Variants in XIAP observed in about 807,000 individuals in gnomAD.
XIAP encodes the protein E3 ubiquitin-protein ligase XIAP.
XIAP carries 3 observed loss-of-function variants against 33.1 expected under a neutral mutation model. That is an observed-to-expected ratio of 0.09 (90% CI 0.04 to 0.23). The LOEUF (loss-of-function observed/expected upper bound fraction) is 0.23, where lower values mean the gene tolerates loss of function less well. Among genes scored for constraint, XIAP ranks in the 10% least tolerant of loss-of-function variants. XIAP has a pLI of 1.00. For missense variants in XIAP, 264 were observed against 363.0 expected (o/e 0.73, Z 2.22); for synonymous variants, 98 against 121.3 (o/e 0.81, Z 1.26).
chrX:123,866,203 T>G (rs1429906761), intron 1 of XIAP, among the ~76,000 whole-genome samples: 1 of 109,045 alleles, frequency 9.2e-6, no homozygotes, highest in Non-Finnish European at 1.9e-5. Context: ...CCTCCCAAAG[T>G]GCTGGGATTA....
chrX:123,897,483 C>T (rs1390351127), intron 5 of XIAP, among the ~76,000 whole-genome samples: 2 of 106,164 alleles, frequency 1.9e-5, no homozygotes, highest in Non-Finnish European at 3.9e-5. Flanking sequence ...GAGATACCTG[C>T]AGGACATTGA....
At chrX:123,897,347 T>C (rs181674273) in intron 5 of XIAP, among the ~76,000 whole-genome samples, 83 of 112,164 alleles carry the variant, frequency 7.4e-4, no homozygotes, top group African/African-American at 2.6e-3. Flanking sequence ...TTTATACCTA[T>C]GTTTTCTTCT....
intron 2 of XIAP, among the ~76,000 whole-genome samples, chrX:123,888,191 C>T (rs745945996): frequency 3.7e-5 from 4 of 109,119 alleles, no homozygotes; most frequent in Non-Finnish European, 3.8e-5. Context: ...AAAAATTAGC[C>T]GGGTGTGGTG....
chrX:123,894,495 G>A (rs1168025244), intron 5 of XIAP, among the ~76,000 whole-genome samples: 1 of 112,224 alleles, frequency 8.9e-6, no homozygotes, highest in Non-Finnish European at 1.9e-5. Context: ...GCGGCTGGGT[G>A]TGGTGGCTCA....
chrX:123,889,997 A>ATTTTTTTTTTTT (rs771503633), intron 3 of XIAP, among the ~76,000 whole-genome samples: 1 of 33,072 alleles, frequency 3.0e-5, no homozygotes. Context: ...AGTTGTTCAC[A>ATTTTTTTTTTTT]TTTTTTTTTT....
At chrX:123,906,873 A>G in intron 6 of XIAP, 115 bp from the exon 7 acceptor site, 1 of 869,511 alleles carries the variant, frequency 1.2e-6, no homozygotes, top group Non-Finnish European at 1.7e-6. Flanking sequence ...TCATCCTCAT[A>G]TCTCCCGGCA....
Position 123,892,786 on chromosome X carries a change from G to A in XIAP, c.1099+13G>A. Reference sequence around the variant, plus strand: ...ACTAGAAGAATTGGTAAATATGCTTGTTAACTATCCTTTTAATTTAACTGC... The same window carrying A: ...ACTAGAAGAATTGGTAAATATGCTTATTAACTATCCTTTTAATTTAACTGC... On this transcript the variant is annotated intron_variant, in intron 5 of 6. Coordinates refer to ENST00000371199, the MANE Select transcript of XIAP (RefSeq NM_001167.4). 1.7e-6 allele frequency: 2 copies of A among 1,168,477 alleles called. No individual in the cohort carries two copies. The highest frequency in any genetic ancestry group is 3.6e-5 in the South Asian group (2 of 55,758).
chrX:123,900,323 C>T (rs902906470), intron 5 of XIAP, among the ~76,000 whole-genome samples, 170 bp from the exon 6 acceptor site: 1 of 112,094 alleles, frequency 8.9e-6, no homozygotes, highest in African/African-American at 3.2e-5. Flanking sequence ...TTTTCAGTGC[C>T]TGAATACTTC....
At chrX:123,867,352 C>T (rs2053151165) in intron 1 of XIAP, among the ~76,000 whole-genome samples, 1 of 107,579 alleles carries the variant, frequency 9.3e-6, no homozygotes, top group African/African-American at 3.4e-5. Flanking sequence ...AGCCACTGCG[C>T]CCAGCAGTCT....
At chrX:123,887,069 G>A (rs1419498678) in intron 2 of XIAP, among the ~76,000 whole-genome samples, 1 of 112,085 alleles carries the variant, frequency 8.9e-6, no homozygotes, top group African/African-American at 3.2e-5. Context: ...ACAGGCATGT[G>A]CCACCACGCC....
intron 1 of XIAP, among the ~76,000 whole-genome samples, chrX:123,876,121 C>T (rs764330184): frequency 6.3e-5 from 7 of 111,783 alleles, no homozygotes; most frequent in Non-Finnish European, 9.4e-5. Flanking sequence ...CTACATTGCC[C>T]AGTCTGGTCT....
rs868048767 is a variant in XIAP, at chrX:123,899,316, T to C, written c.1100-1177T>C. Among the ~76,000 whole-genome samples the C allele has an allele frequency of 6.5e-3, 662 of 101,412 alleles. 7 individuals carry two copies. Among genetic ancestry groups the C allele is most frequent in the African/African-American group, 0.022 (625 of 28,193 alleles). The allele number at this position is 101,412 out of a possible 115,157, so 88.1% of individuals were successfully genotyped here. ...TTGTATATATATACACACGCACACA[T>C]ACACACATAAAGTGCTTAAAGTACC... On this transcript the variant is annotated intron_variant, in intron 5 of 6. Transcript: ENST00000371199.
chrX:123,887,999 ATAAT>A (rs200306267), intron 2 of XIAP, among the ~76,000 whole-genome samples: 3,866 of 91,368 alleles, frequency 0.042, 171 homozygotes, highest in African/African-American at 0.13. Context: ...AAAAATAATA[ATAAT>A]TAATAAATAA....
chrX:123,876,705 T>TTAAATAAATCAA (rs1556401709), intron 1 of XIAP, among the ~76,000 whole-genome samples: 1 of 107,213 alleles, frequency 9.3e-6, no homozygotes, highest in Non-Finnish European at 1.9e-5. Flanking sequence ...GCCTTGTCTT[T>TTAAATAAATCAA]TAAATAAATA....
chrX:123,882,927 C>T (rs1250527907), intron 1 of XIAP, among the ~76,000 whole-genome samples: 1 of 109,532 alleles, frequency 9.1e-6, no homozygotes, highest in South Asian at 3.9e-4. Context: ...TACAGGCATC[C>T]GCCATCATGC....
chrX:123,884,051 C>T (rs1244670652), intron 1 of XIAP, among the ~76,000 whole-genome samples: 1 of 111,854 alleles, frequency 8.9e-6, no homozygotes, highest in African/African-American at 3.2e-5. Context: ...GAGTTAATAC[C>T]ACTATAAATT....
At chrX:123,869,983 G>A (rs1027312367) in intron 1 of XIAP, among the ~76,000 whole-genome samples, 1 of 111,890 alleles carries the variant, frequency 8.9e-6, no homozygotes, top group South Asian at 3.6e-4. Flanking sequence ...TAATTGAGAC[G>A]GAGTCTCGCT....
At chrX:123,905,154 A>G in intron 6 of XIAP, among the ~76,000 whole-genome samples, 1 of 111,603 alleles carries the variant, frequency 9.0e-6, no homozygotes, top group Non-Finnish European at 1.9e-5. Flanking sequence ...AGATGTGATC[A>G]TATCTGTCTC....
intron 1 of XIAP, among the ~76,000 whole-genome samples, chrX:123,867,132 C>T (rs1380516244): frequency 7.8e-5 from 7 of 89,983 alleles, no homozygotes; most frequent in Non-Finnish European, 1.5e-4. Flanking sequence ...TGCAGTGGTG[C>T]GATCTCAGCT....
Sources: allele counts gnomAD v4.1 joint callset (sites outside exome capture counted in the v4.1 genomes callset), GRCh38; gene constraint gnomAD v4.1.1; transcripts MANE v1.5; gene names NCBI Gene and HGNC (gene_info 2026-07-23, HGNC 2026-07-21).